The following LAMA3 variants were observed in gnomAD, a reference collection of about 807,000 sequenced individuals.
The protein encoded by LAMA3 is laminin subunit alpha 3, also known as laminin subunit alpha-3.
In LAMA3, 281 loss-of-function variants were observed where a neutral mutation model predicts 402.0. The ratio of observed to expected loss-of-function variants is 0.70; its 90% CI spans 0.63 to 0.77. The LOEUF (loss-of-function observed/expected upper bound fraction) is 0.77. LAMA3 is among the 30% of genes least tolerant of loss of function. The pLI is 0.00. For synonymous variants in LAMA3, 1,431 were observed against 1,558.4 expected, an observed-to-expected ratio of 0.92 and a Z score of 1.93; for missense variants, 3,840 against 4,215.5, an observed-to-expected ratio of 0.91 and a Z score of 2.47.
intron 14 of LAMA3, 84 bp downstream of exon 14, chr18:23,813,187 A>C (rs2063108007): frequency 1.1e-6 from 1 of 931,020 alleles, no homozygotes; most frequent in Non-Finnish European, 1.8e-6. Context: ...GGGCACTTCC[A>C]GAAATTAAAA....
chr18:23,810,875 C>T (rs999243886), intron 13 of LAMA3, among the ~76,000 whole-genome samples: 1 of 152,278 alleles, frequency 6.6e-6, no homozygotes. Flanking sequence ...TGCCTTCTTT[C>T]GCTCCCAGCT....
chr18:23,794,302 T>TC (rs960750059), intron 12 of LAMA3, among the ~76,000 whole-genome samples: 99 of 152,346 alleles, frequency 6.5e-4, no homozygotes, highest in Middle Eastern at 6.8e-3. Flanking sequence ...CAGAGGCCTG[T>TC]CCCAAGGCCT....
rs2064832500 is a variant in LAMA3, at chr18:23,879,586, A to G, written c.5113-2350A>G. Among the ~76,000 whole-genome samples, 1 of 152,314 alleles carries G rather than the reference A, an allele frequency of 6.6e-6. No homozygotes were observed. Among genetic ancestry groups the G allele is most frequent in the Non-Finnish European group, 1.5e-5 (1 of 68,030 alleles). ...ATAGTTGGGCATATAGTAAATGCCT[A>G]ATAGATATTTGGTGACAAATGGAGC... On this transcript the variant is annotated intron_variant, in intron 39 of 74. Transcript: ENST00000313654. The surrounding 1 kb of genome is among the most constrained non-coding windows in gnomAD (Gnocchi z 4.2).
intron 1 of LAMA3, among the ~76,000 whole-genome samples, chr18:23,702,478 C>T (rs1281978051): frequency 1.3e-5 from 2 of 152,068 alleles, no homozygotes; most frequent in African/African-American, 4.8e-5. Flanking sequence ...TGTGCACCAC[C>T]ATGCCCGGCT....
At chr18:23,888,486 G>A (rs1406758307) in intron 41 of LAMA3, among the ~76,000 whole-genome samples, 1 of 152,080 alleles carries the variant, frequency 6.6e-6, no homozygotes, top group African/African-American at 2.4e-5. Flanking sequence ...ATATATCAGT[G>A]AGCAAAACAG....
chr18:23,725,107 C>T (rs990029336), intron 2 of LAMA3, among the ~76,000 whole-genome samples: 5 of 151,148 alleles, frequency 3.3e-5, no homozygotes. Context: ...CAGTATAACT[C>T]ACCATTCTTT....
At chr18:23,885,127 C>G (rs553064745) in intron 41 of LAMA3, among the ~76,000 whole-genome samples, 11 of 151,750 alleles carry the variant, frequency 7.2e-5, no homozygotes, top group African/African-American at 2.7e-4. Context: ...ACACGCACCC[C>G]TGTGTACCTC....
At chr18:23,838,696 G>C (rs376256113) in intron 25 of LAMA3, 85 bp from the exon 26 acceptor site, 1 of 761,814 alleles carries the variant, frequency 1.3e-6, no homozygotes, top group African/African-American at 1.7e-5. Context: ...TTACTTAATA[G>C]CTTTTTTAAA....
chr18:23,936,616 T>G lies in LAMA3; in HGVS notation c.8863-2607T>G, dbSNP rs2082322103. On this transcript the variant is annotated intron_variant, in intron 67 of 74. Transcript: ENST00000313654. ...TGGACAATGAGCCCTGAGAGGAAGT[T>G]GAGGGCGTGGCTTCTGATAAAGAAT... Among the ~76,000 whole-genome samples the G allele has an allele frequency of 5.3e-5, 8 of 152,234 alleles. No individual in the cohort carries two copies. The South Asian group carries it at 1.7e-3, about 32-fold the overall frequency.
At position 23,890,044 on chromosome 18, in the gene LAMA3, A is replaced by G. The variant is rs746130020; in HGVS notation, c.5337A>G (p.Lys1779=). Residue 1779 remains lysine (K), a synonymous_variant, in exon 42 of 75, where the codon AAA becomes AAG. Coordinates refer to ENST00000313654, the MANE Select transcript of LAMA3 (RefSeq NM_198129.4). ...CAPGYFGNPQ[K]FGGSCQPCSC... ...CGGGATATTTCGGGAATCCCCAGAA[A>G]TTCGGAGGTAGCTGCCAACCATGCA... The G allele has an allele frequency of 6.2e-7, 1 of 1,614,062 alleles. No homozygotes were observed. The highest frequency in any genetic ancestry group is 8.5e-7 in the Non-Finnish European group (1 of 1,180,010).
chr18:23,892,519 T>C (rs2080712309), intron 42 of LAMA3, among the ~76,000 whole-genome samples: 1 of 152,102 alleles, frequency 6.6e-6, no homozygotes, highest in South Asian at 2.1e-4. Context: ...AGGCTGCTGT[T>C]GAAAATTGTC....
At chr18:23,747,669 C>T (rs1383453211) in intron 2 of LAMA3, among the ~76,000 whole-genome samples, 1 of 151,974 alleles carries the variant, frequency 6.6e-6, no homozygotes, top group Non-Finnish European at 1.5e-5. Flanking sequence ...AGACTGGTTG[C>T]AATGGAATGG....
chr18:23,758,113 A>G (rs1164449516), intron 6 of LAMA3, among the ~76,000 whole-genome samples: 1 of 152,218 alleles, frequency 6.6e-6, no homozygotes, highest in East Asian at 1.9e-4. Flanking sequence ...CCTCAGAGCC[A>G]AGTGAGGTTG....
intron 2 of LAMA3, among the ~76,000 whole-genome samples, chr18:23,730,368 CTTT>C (rs11362144): frequency 1.1e-4 from 13 of 118,666 alleles, no homozygotes; most frequent in Non-Finnish European, 2.2e-4. Context: ...CTTTTTCTTT[CTTT>C]TTTTTTTTTT....
Position 23,810,519 on chromosome 18 carries a change from G to T in LAMA3, c.1741+16G>T, listed in dbSNP as rs766899808. On this transcript the variant is annotated intron_variant, in intron 13 of 74. Coordinates refer to ENST00000313654, the MANE Select transcript of LAMA3 (RefSeq NM_198129.4). ...CACTGCCAAGGTAGGAAAGTCAGCA[G>T]ATTGCTAGAGGGCTGGTTCCTCTCT... 1 of 1,613,828 alleles carries T rather than the reference G, an allele frequency of 6.2e-7. No homozygotes were observed. Among genetic ancestry groups the T allele is most frequent in the Non-Finnish European group, 8.5e-7 (1 of 1,179,842 alleles).
chr18:23,881,911 A>T, intron 39 of LAMA3, 25 bp from the exon 40 acceptor site: 1 of 1,477,210 alleles, frequency 6.8e-7, no homozygotes, highest in Non-Finnish European at 9.5e-7. Flanking sequence ...GGCTGCTGTG[A>T]ATTGTGCTGT....
intron 55 of LAMA3, among the ~76,000 whole-genome samples, chr18:23,911,931 A>C (rs1211756586): frequency 1.4e-5 from 2 of 145,654 alleles, no homozygotes; most frequent in Non-Finnish European, 3.0e-5. Context: ...TATAATATAT[A>C]AAATTATATA....
chr18:23,851,040 G>C (rs1366644265), intron 32 of LAMA3, among the ~76,000 whole-genome samples: 1 of 152,202 alleles, frequency 6.6e-6, no homozygotes, highest in Non-Finnish European at 1.5e-5. Flanking sequence ...GTGTTAAATG[G>C]AGAAATTAAA....
At chr18:23,762,981 C>T (rs933241625) in intron 7 of LAMA3, among the ~76,000 whole-genome samples, 6 of 152,004 alleles carry the variant, frequency 3.9e-5, no homozygotes, top group African/African-American at 9.7e-5. Flanking sequence ...CTCAGCCTCC[C>T]GAATAGCTGG....
Sources: allele counts gnomAD v4.1 joint callset (sites outside exome capture counted in the v4.1 genomes callset), GRCh38; gene constraint gnomAD v4.1.1; non-coding constraint Gnocchi (gnomAD v3.1); transcripts MANE v1.5; gene names NCBI Gene and HGNC (gene_info 2026-07-23, HGNC 2026-07-21).